Variants in MICAL3 observed in about 807,000 individuals in gnomAD.
The protein encoded by MICAL3 is microtubule associated monooxygenase, calponin and LIM domain containing 3, also known as [F-actin]-monooxygenase MICAL3.
In MICAL3, 62 loss-of-function variants were observed where a neutral mutation model predicts 207.4. The observed-to-expected ratio is 0.30, with a 90% CI of 0.24 to 0.37. MICAL3 has a LOEUF of 0.37. MICAL3 is among the 10% of genes least tolerant of loss of function. The pLI is 1.00. For missense variants in MICAL3, 2,368 were observed against 2,635.6 expected (o/e 0.90, Z 2.22); for synonymous variants, 1,077 against 1,069.3 (o/e 1.01, Z -0.14).
At chr22:17,985,722 T>C (rs1460371627) in intron 1 of MICAL3, among the ~76,000 whole-genome samples, 1 of 152,086 alleles carries the variant, frequency 6.6e-6, no homozygotes, top group Non-Finnish European at 1.5e-5. Flanking sequence ...CTGAACTCAC[T>C]GTGCAGCAGC....
In MICAL3 at chr22:17,790,395, T is replaced by G; in HGVS notation, c.*337A>C. ...TCTGACGGGGAGCAGCTTCCCTCTC[T>G]TACCAAATGTGCCAGTGGAAAAAAG... is the stretch of plus-strand genomic sequence containing the variant. On this transcript the variant is annotated 3_prime_UTR_variant, in exon 32 of 32. Transcript: ENST00000441493. The G allele has an allele frequency of 3.4e-6, 1 of 295,308 alleles. No homozygotes were observed. The highest frequency in any genetic ancestry group is 6.3e-5 in the East Asian group (1 of 15,760). 18.3% of individuals were successfully genotyped at this position (295,308 alleles called of 1,614,324 possible).
At chr22:17,863,765 G>C (rs904488749) in intron 19 of MICAL3, 2 of 985,318 alleles carry the variant, frequency 2.0e-6, no homozygotes, top group African/African-American at 3.5e-5. Flanking sequence ...AGCTGTTAGG[G>C]AAGGGAAAGG....
At chr22:17,998,045 T>C (rs1922491077) in intron 1 of MICAL3, among the ~76,000 whole-genome samples, 1 of 152,092 alleles carries the variant, frequency 6.6e-6, no homozygotes, top group Non-Finnish European at 1.5e-5. Context: ...CTTACGCCTG[T>C]AATCTCAGCA....
intron 1 of MICAL3, among the ~76,000 whole-genome samples, chr22:17,998,053 G>A (rs1026749299): frequency 6.6e-6 from 1 of 151,388 alleles, no homozygotes; most frequent in Non-Finnish European, 1.5e-5. Flanking sequence ...TGTAATCTCA[G>A]CACTTTGGAA....
intron 15 of MICAL3, among the ~76,000 whole-genome samples, chr22:17,886,508 A>C (rs76624740): frequency 0.011 from 1,690 of 152,252 alleles, 27 homozygotes; most frequent in African/African-American, 0.038. Flanking sequence ...CTCTACTAAA[A>C]AATTAGAACA....
chr22:17,858,771 A>G (rs568029893), intron 19 of MICAL3, among the ~76,000 whole-genome samples: 15 of 152,360 alleles, frequency 9.8e-5, no homozygotes, highest in African/African-American at 3.4e-4. Context: ...CCCAATGGGC[A>G]GCACAGAATC....
At chr22:17,811,045 G>A (rs896050883) in intron 27 of MICAL3, 12 of 500,912 alleles carry the variant, frequency 2.4e-5, no homozygotes, top group South Asian at 9.3e-5. Context: ...TCAGTGCCAC[G>A]GGCACACCTA....
chr22:17,951,228 G>T (rs5992134), intron 1 of MICAL3, among the ~76,000 whole-genome samples: 38,540 of 152,072 alleles, frequency 0.25, 5,361 homozygotes, highest in African/African-American at 0.34. Context: ...AATAGGCAGG[G>T]TGGTACAGCC....
At chr22:17,999,285 A>G (rs551743669) in intron 1 of MICAL3, among the ~76,000 whole-genome samples, 1 of 152,326 alleles carries the variant, frequency 6.6e-6, no homozygotes, top group East Asian at 1.9e-4. Context: ...TTTAAAGGGC[A>G]ACACATGATC....
intron 13 of MICAL3, among the ~76,000 whole-genome samples, chr22:17,887,848 A>T (rs1312796580): frequency 1.3e-5 from 2 of 152,278 alleles, no homozygotes; most frequent in East Asian, 3.9e-4. Context: ...TCCTGGTTTT[A>T]GTGTATGCAG....
In MICAL3 at chr22:17,885,970, C is replaced by T. The variant is rs1181615973; in HGVS notation, c.2149G>A (p.Gly717Arg). ...LTDRRMDVAVGNQNKVKYMAT... is the reference protein window; with the variant it reads ...LTDRRMDVAVRNQNKVKYMAT... ...ATGTACTTCACTTTGTTCTGGTTCCCAACGGCAACGTCCATCCTCCTGTCT... is the reference window on the plus strand; with the variant it reads ...ATGTACTTCACTTTGTTCTGGTTCCTAACGGCAACGTCCATCCTCCTGTCT... Residue 717 changes from glycine to arginine, a missense_variant, in exon 16 of 32, where the codon GGG becomes AGG. This residue lies in a region of MICAL3 where 1,770 missense variants were observed against 1,863.2 expected (regional missense o/e 0.95). Coordinates refer to ENST00000441493, the MANE Select transcript of MICAL3 (RefSeq NM_015241.3). The T allele has an allele frequency of 6.2e-7, 1 of 1,614,030 alleles. No homozygotes were observed. Among genetic ancestry groups the T allele is most frequent in the Admixed American group, 1.7e-5 (1 of 60,026 alleles).
Position 17,875,503 on chromosome 22 carries a change from G to C in MICAL3, c.2242-3480C>G, listed in dbSNP as rs767919726. The stretch of plus-strand genomic sequence containing the variant: ...GGGCGGGCAGAGGAGCGGAGACTAA[G>C]AGAAAGCTCCCACTGGTCGACAAAA... On this transcript the variant is annotated intron_variant, in intron 16 of 31. Coordinates refer to ENST00000441493, the MANE Select transcript of MICAL3 (RefSeq NM_015241.3). 65 of 1,556,736 alleles carry C rather than the reference G, an allele frequency of 4.2e-5. 1 individual carries two copies. The South Asian group carries it at 6.9e-4, about 16-fold the overall frequency.
chr22:17,862,246 A>T, intron 19 of MICAL3: 1 of 984,192 alleles, frequency 1.0e-6, no homozygotes, highest in Non-Finnish European at 1.2e-6. Context: ...GAAACACCTG[A>T]GCTTTCCCTT....
At chr22:17,903,797 A>G (rs1460190339) in intron 3 of MICAL3, among the ~76,000 whole-genome samples, 4 of 152,260 alleles carry the variant, frequency 2.6e-5, no homozygotes, top group Non-Finnish European at 5.9e-5. Flanking sequence ...CAGCTGCTGC[A>G]AACAGCAAAA....
chr22:17,881,210 G>T (rs1449668054), intron 16 of MICAL3: 1 of 1,612,504 alleles, frequency 6.2e-7, no homozygotes, highest in African/African-American at 1.3e-5. Context: ...ATCACCTGCT[G>T]GCCGCCATGT....
intron 16 of MICAL3, among the ~76,000 whole-genome samples, chr22:17,877,504 T>TGGAGGTTAGGGAGGTTAG (rs1411694864): frequency 6.3e-5 from 4 of 63,644 alleles, no homozygotes; most frequent in South Asian, 4.2e-4. Flanking sequence ...AGGGAGGTTA[T>TGGAGGTTAGGGAGGTTAG]GGAGGTTAGG....
Position 18,024,316 on chromosome 22 carries a change from T to G in MICAL3, c.-110A>C, listed in dbSNP as rs1344955624. The G allele has an allele frequency of 6.6e-6, 1 of 152,174 alleles. No individual in the cohort carries two copies. Among genetic ancestry groups the G allele is most frequent in the Non-Finnish European group, 1.5e-5 (1 of 68,016 alleles). 9.4% of individuals were successfully genotyped at this position (152,174 alleles called of 1,614,324 possible). A position where few individuals can be genotyped will look rare whatever the true frequency, so the allele number is the denominator to read the frequency against. ...TTCACAGCCGCATCACCGCCGGCGG[T>G]GGGCGCCTGCCTCGGCAGGGGCAGG... On this transcript the variant is annotated 5_prime_UTR_variant, in exon 1 of 32. Transcript: ENST00000441493.
At chr22:17,988,418 C>T (rs377154407) in intron 1 of MICAL3, among the ~76,000 whole-genome samples, 2,106 of 100,680 alleles carry the variant, frequency 0.021, 39 homozygotes, top group African/African-American at 0.079. Flanking sequence ...CAGATCCAGC[C>T]TGCAGGCCAA....
At chr22:17,861,438 G>C (rs1476912025) in intron 19 of MICAL3, 1 of 985,322 alleles carries the variant, frequency 1.0e-6, no homozygotes, top group South Asian at 4.7e-5. Flanking sequence ...CCGGTGATGA[G>C]CACTCGGGGA....
Sources: gnomAD v4.1 joint callset for allele counts (sites outside exome capture counted in the v4.1 genomes callset) on GRCh38, gnomAD v4.1.1 for gene constraint, gnomAD v4.1.1 regional missense constraint, MANE v1.5 for transcripts, NCBI Gene and HGNC (gene_info 2026-07-23, HGNC 2026-07-21) for gene names.